Variants in TPTE observed in about 807,000 individuals in gnomAD.
TPTE encodes the protein transmembrane phosphatase with tensin homology, also known as putative tyrosine-protein phosphatase TPTE.
In TPTE, 59 loss-of-function variants were observed where a neutral mutation model predicts 84.1. The observed-to-expected ratio is 0.70, with a 90% CI of 0.57 to 0.87. The LOEUF (loss-of-function observed/expected upper bound fraction) is 0.87, where lower values mean the gene tolerates loss of function less well. Ranked by LOEUF, TPTE falls within the 40% of genes least tolerant of loss-of-function variation. The pLI is 0.00. For synonymous variants in TPTE, 130 were observed against 223.5 expected, an observed-to-expected ratio of 0.58 and a Z score of 3.73; for missense variants, 382 against 659.6, an observed-to-expected ratio of 0.58 and a Z score of 4.61.
intron 6 of TPTE, 82 bp downstream of exon 6, chr21:10,542,530 CCCATCCAT>C (rs3049906): frequency 9.6e-5 from 127 of 1,317,810 alleles, no homozygotes; most frequent in African/African-American, 5.0e-4. Flanking sequence ...GCAAGTATAC[CCCATCCAT>C]CCATCCATCC....
intron 1 of TPTE, among the ~76,000 whole-genome samples, chr21:10,521,930 C>G (rs1464466275): frequency 2.0e-5 from 3 of 152,320 alleles, no homozygotes; most frequent in Non-Finnish European, 2.9e-5. Flanking sequence ...CCGCCCTCCC[C>G]GTCCCCTCCT....
chr21:10,548,309 C>G (rs528272846), intron 7 of TPTE, among the ~76,000 whole-genome samples: 1 of 152,312 alleles, frequency 6.6e-6, no homozygotes, highest in Non-Finnish European at 1.5e-5. Flanking sequence ...AGCAGCTGTG[C>G]AACCTTGGGT....
rs1600914350 is a variant in TPTE, at chr21:10,566,891, CG to C, written c.447-778del. ...ACTCGTGAGGCTGAGGCAGGAGAATCGCTTGAACCCAGGAGGTGGAGGTTGC... is the reference window on the plus strand; with the variant it reads ...ACTCGTGAGGCTGAGGCAGGAGAATCCTTGAACCCAGGAGGTGGAGGTTGC... On this transcript the variant is annotated intron_variant, in intron 10 of 23. Transcript: ENST00000618007. 3.9e-5 allele frequency among the ~76,000 whole-genome samples: 6 copies of C among 152,328 alleles called. No individual in the cohort carries two copies. The East Asian group carries it at 1.2e-3, about 29-fold the overall frequency.
intron 3 of TPTE, among the ~76,000 whole-genome samples, chr21:10,537,900 G>A (rs1296546841): frequency 6.6e-6 from 1 of 152,308 alleles, no homozygotes; most frequent in East Asian, 1.9e-4. Flanking sequence ...TGACACATGT[G>A]TCTGCATGAT....
intron 8 of TPTE, among the ~76,000 whole-genome samples, chr21:10,558,832 A>G (rs1353797338): frequency 2.0e-5 from 3 of 152,292 alleles, no homozygotes; most frequent in Admixed American, 2.0e-4. Context: ...CTCATGAGCT[A>G]CCTTGTCTCC....
intron 14 of TPTE, among the ~76,000 whole-genome samples, chr21:10,575,554 C>T (rs202137435): frequency 0.012 from 1,803 of 149,586 alleles, no homozygotes; most frequent in East Asian, 0.11. Context: ...TCCCATGCCT[C>T]CTGACTGGGT....
intron 3 of TPTE, among the ~76,000 whole-genome samples, chr21:10,528,812 ATACTT>A (rs2074127033): frequency 6.6e-6 from 1 of 152,308 alleles, no homozygotes; most frequent in South Asian, 2.1e-4. Context: ...TTTATTCTGT[ATACTT>A]TATGAGATGG....
chr21:10,536,342 T>C (rs1235136270), intron 3 of TPTE, among the ~76,000 whole-genome samples: 2 of 152,308 alleles, frequency 1.3e-5, no homozygotes, highest in Admixed American at 6.5e-5. Flanking sequence ...AACCAGATAG[T>C]ACATTGTAGA....
intron 3 of TPTE, among the ~76,000 whole-genome samples, chr21:10,536,205 G>A (rs1242069796): frequency 6.6e-6 from 1 of 152,312 alleles, no homozygotes; most frequent in African/African-American, 2.4e-5. Flanking sequence ...TTGAACCTGG[G>A]AGGTGGAGGT....
intron 7 of TPTE, among the ~76,000 whole-genome samples, chr21:10,546,861 A>G (rs1024610778): frequency 1.3e-5 from 2 of 152,302 alleles, no homozygotes; most frequent in Non-Finnish European, 2.9e-5. Flanking sequence ...CATCTCCATC[A>G]CATAAAAGTG....
chr21:10,576,830 CATATATACATATATATATATATAT>C (rs1273290470), intron 14 of TPTE, among the ~76,000 whole-genome samples: 5 of 126,822 alleles, frequency 3.9e-5, no homozygotes, highest in African/African-American at 1.4e-4. Flanking sequence ...AAAGGTTATA[CATATATACATATATATATATATAT>C]ATATATATAT....
At chr21:10,565,611 A>G (rs1262724121) in intron 10 of TPTE, among the ~76,000 whole-genome samples, 5 of 152,304 alleles carry the variant, frequency 3.3e-5, no homozygotes, top group African/African-American at 9.6e-5. Context: ...AAATTATACT[A>G]CAGAACTATA....
At chr21:10,601,583 A>G (rs1234515000) in intron 21 of TPTE, among the ~76,000 whole-genome samples, 1 of 152,306 alleles carries the variant, frequency 6.6e-6, no homozygotes, top group Non-Finnish European at 1.5e-5. Context: ...GGCCAGGTGC[A>G]GTGGCTCATG....
chr21:10,584,186 G>A (rs1262287447), intron 17 of TPTE, among the ~76,000 whole-genome samples: 2 of 152,310 alleles, frequency 1.3e-5, no homozygotes, highest in Admixed American at 6.5e-5. Context: ...TAGAAAGCGT[G>A]CATATTTTTG....
At chr21:10,547,935 C>T (rs1279087190) in intron 7 of TPTE, among the ~76,000 whole-genome samples, 1 of 152,312 alleles carries the variant, frequency 6.6e-6, no homozygotes, top group East Asian at 1.9e-4. Flanking sequence ...GGCCCCTAAG[C>T]CTCTGAGCAG....
At chr21:10,561,370 T>A (rs530177224) in intron 10 of TPTE, among the ~76,000 whole-genome samples, 179 bp downstream of exon 10, 1 of 152,248 alleles carries the variant, frequency 6.6e-6, no homozygotes, top group African/African-American at 2.4e-5. Context: ...TGGTTGCCTG[T>A]AATCCCAGCT....
In TPTE at chr21:10,569,663, T is replaced by G. The variant is rs780156296; in HGVS notation, c.667-20T>G. ...TGTTGATGAGTGTTTCACAAACTAA[T>G]GACGATTTTAAACTGTCAGGTTTCA... On this transcript the variant is annotated intron_variant, in intron 12 of 23. Coordinates refer to ENST00000618007, the MANE Select transcript of TPTE (RefSeq NM_199261.4). The G allele has an allele frequency of 6.2e-7, 1 of 1,614,016 alleles. No homozygotes were observed. Among genetic ancestry groups the G allele is most frequent in the South Asian group, 1.1e-5 (1 of 91,080 alleles).
intron 8 of TPTE, among the ~76,000 whole-genome samples, chr21:10,558,041 A>G (rs1391967587): frequency 3.9e-5 from 6 of 152,424 alleles, no homozygotes; most frequent in Non-Finnish European, 7.3e-5. Flanking sequence ...TGCTAAGGAT[A>G]AGAGCCTCCG....
At chr21:10,560,191 T>C (rs1442323261) in intron 9 of TPTE, among the ~76,000 whole-genome samples, 1 of 152,308 alleles carries the variant, frequency 6.6e-6, no homozygotes, top group African/African-American at 2.4e-5. Context: ...GTTAAAATTC[T>C]ATAATTATTA....
Sources: gnomAD v4.1 joint callset for allele counts (sites outside exome capture counted in the v4.1 genomes callset) on GRCh38, gnomAD v4.1.1 for gene constraint, MANE v1.5 for transcripts, NCBI Gene and HGNC (gene_info 2026-07-23, HGNC 2026-07-21) for gene names.